KIF13B: variants seen among roughly 807,000 people sequenced by gnomAD.
KIF13B encodes kinesin family member 13B.
Under a neutral mutation model 222.0 loss-of-function variants are expected in KIF13B, and 127 were observed. The observed-to-expected ratio is 0.57, with a 90% CI of 0.50 to 0.66. The LOEUF (loss-of-function observed/expected upper bound fraction) is 0.66. Among genes scored for constraint, KIF13B ranks in the 30% least tolerant of loss-of-function variants. The probability of loss-of-function intolerance (pLI) is 0.00; values close to 1 mark genes in which losing one functional copy is unlikely to be tolerated. For synonymous variants in KIF13B, 976 were observed against 919.0 expected, an observed-to-expected ratio of 1.06 and a Z score of -1.12; for missense variants, 2,173 against 2,379.0, an observed-to-expected ratio of 0.91 and a Z score of 1.80.
At chr8:29,223,538 A>G (rs140884035) in intron 2 of KIF13B, among the ~76,000 whole-genome samples, 20 of 152,320 alleles carry the variant, frequency 1.3e-4, no homozygotes, top group East Asian at 1.2e-3. Flanking sequence ...ATAGATCAAT[A>G]TGCTATTTCT....
chr8:29,194,585 G>A (rs188723924), intron 3 of KIF13B, among the ~76,000 whole-genome samples: 87 of 152,248 alleles, frequency 5.7e-4, no homozygotes, highest in Middle Eastern at 3.4e-3. Flanking sequence ...CACAAAGTTG[G>A]GGACTAATAA....
intron 36 of KIF13B, among the ~76,000 whole-genome samples, chr8:29,097,715 A>C (rs1009988033): frequency 6.6e-6 from 1 of 152,254 alleles, no homozygotes; most frequent in African/African-American, 2.4e-5. Flanking sequence ...TGAAATGCAG[A>C]AAAATTTAAA....
chr8:29,105,650 G>GTTTTTTTTTTTTTTTTT lies in KIF13B; in HGVS notation c.4215+2472_4215+2488dup, dbSNP rs869030059. On this transcript the variant is annotated intron_variant, in intron 35 of 39. Coordinates refer to ENST00000524189, the MANE Select transcript of KIF13B (RefSeq NM_015254.4). ...AAGGAAACTGGGCAGAGTTTGTTTG[G>GTTTTTTTTTTTTTTTTT]TTTTTTTTTTTTTTTTTTTTTTTTT... is the stretch of plus-strand genomic sequence containing the variant. Among the ~76,000 whole-genome samples the GTTTTTTTTTTTTTTTTT allele has an allele frequency of 2.6e-5, 2 of 78,058 alleles. 1 individual carries two copies. 51.2% of individuals were successfully genotyped at this position (78,058 alleles called of 152,430 possible).
intron 35 of KIF13B, among the ~76,000 whole-genome samples, chr8:29,105,968 A>C (rs1809048657): frequency 6.6e-6 from 1 of 152,120 alleles, no homozygotes; most frequent in African/African-American, 2.4e-5. Flanking sequence ...CAGAAGAAAA[A>C]CAGAAGAATT....
chr8:29,175,497 A>C (rs1007124970), intron 10 of KIF13B, among the ~76,000 whole-genome samples: 2 of 152,166 alleles, frequency 1.3e-5, no homozygotes, highest in Admixed American at 6.5e-5. Flanking sequence ...CTTCTTTCTC[A>C]CTTCCATTGC....
intron 2 of KIF13B, among the ~76,000 whole-genome samples, chr8:29,236,004 A>G (rs941631783): frequency 2.0e-4 from 30 of 152,352 alleles, no homozygotes; most frequent in African/African-American, 7.2e-4. Context: ...TAATTCATCC[A>G]CAGGACAGAA....
Position 29,127,133 on chromosome 8 carries a change from CAT to C in KIF13B, c.3209_3210del (p.His1070ArgfsTer5). Reference protein sequence around the residue: ...KVRPLRAPRTHETFHEEEEDM... With the variant: ...KVRPLRAPRTXETFHEEEEDM... ...GTATAGAAACTTACATGGAAGGTCT[CAT>C]GTGTTCTGGGGGCTCTGAGCGGTCT... On this transcript the variant is annotated frameshift_variant, in exon 25 of 40. Transcript: ENST00000524189. LOFTEE classifies it high-confidence loss of function. 5 of 1,613,794 alleles carry C rather than the reference CAT, an allele frequency of 3.1e-6. No homozygotes were observed. Among genetic ancestry groups the C allele is most frequent in the Non-Finnish European group, 3.4e-6 (4 of 1,179,764 alleles).
rs547699707 is a variant in KIF13B, at chr8:29,206,414, A to T, written c.150-10215T>A. Reference sequence around the variant, plus strand: ...TAAGTCAGCCAGCAGGTTGAGAGAAACTGAAATTCACTATAATTACTCCCA... The same window carrying T: ...TAAGTCAGCCAGCAGGTTGAGAGAATCTGAAATTCACTATAATTACTCCCA... On this transcript the variant is annotated intron_variant, in intron 2 of 39. Transcript: ENST00000524189. Among the ~76,000 whole-genome samples the T allele has an allele frequency of 2.1e-3, 326 of 152,352 alleles. 1 individual carries two copies. Among genetic ancestry groups the T allele is most frequent in the Non-Finnish European group, 3.7e-3 (255 of 68,030 alleles).
chr8:29,155,668 G>A, intron 14 of KIF13B, 58 bp downstream of exon 14: 2 of 1,470,824 alleles, frequency 1.4e-6, no homozygotes, highest in Non-Finnish European at 1.9e-6. Context: ...GTTGCCACTA[G>A]AGTACTTTCT....
At chr8:29,146,908 A>C (rs1216711068) in intron 17 of KIF13B, among the ~76,000 whole-genome samples, 1 of 152,220 alleles carries the variant, frequency 6.6e-6, no homozygotes, top group Non-Finnish European at 1.5e-5. Flanking sequence ...CTGCAGACCA[A>C]ACTTTAAATA....
At chr8:29,137,458 C>T (rs1052076124) in intron 21 of KIF13B, among the ~76,000 whole-genome samples, 1 of 152,202 alleles carries the variant, frequency 6.6e-6, no homozygotes, top group Admixed American at 6.5e-5. Context: ...ACGGATGCTG[C>T]GCCCAGGTTT....
intron 37 of KIF13B, among the ~76,000 whole-genome samples, chr8:29,075,783 C>A (rs938544364): frequency 1.3e-5 from 2 of 152,130 alleles, no homozygotes; most frequent in Non-Finnish European, 2.9e-5. Context: ...GGCTGGAGCA[C>A]AAACCCAGAG....
At position 29,097,512 on chromosome 8, in the gene KIF13B, C is replaced by T. The variant is rs959528667; in HGVS notation, c.4324+1621G>A. Among the ~76,000 whole-genome samples the T allele has an allele frequency of 2.6e-4, 39 of 152,132 alleles. 1 individual carries two copies. Among genetic ancestry groups the T allele is most frequent in the Admixed American group, 2.5e-3 (38 of 15,276 alleles). On this transcript the variant is annotated intron_variant, in intron 36 of 39. Coordinates refer to ENST00000524189, the MANE Select transcript of KIF13B (RefSeq NM_015254.4). ...GTGACCTAATTAGATATACATAGAA[C>T]ATCATGTCCCCAAACACAATAGTGC...
chr8:29,237,244 G>A (rs536478662), intron 2 of KIF13B, among the ~76,000 whole-genome samples: 1 of 151,644 alleles, frequency 6.6e-6, no homozygotes, highest in South Asian at 2.1e-4. Flanking sequence ...GACAAAGAGC[G>A]CTAAAAAAGT....
At chr8:29,104,204 T>C (rs1317099278) in intron 35 of KIF13B, among the ~76,000 whole-genome samples, 1 of 151,048 alleles carries the variant, frequency 6.6e-6, no homozygotes, top group East Asian at 2.0e-4. Context: ...CCCCTCGGGC[T>C]CCCAAACCTG....
rs1812931695 is a variant in KIF13B at position 29,186,427 on chromosome 8, C to T, written c.362G>A (p.Gly121Glu). The T allele has an allele frequency of 6.2e-7, 1 of 1,613,594 alleles. No individual in the cohort carries two copies. Among genetic ancestry groups the T allele is most frequent in the Non-Finnish European group, 8.5e-7 (1 of 1,179,786 alleles). ...TCCACTGCAAAGTCTTGGGATTAAT[C>T]CAGGTTGGTCAGCTGTGCCCATCAT... is the stretch of plus-strand genomic sequence containing the variant. ...YTMMGTADQP[G>E]LIPRLCSGLF... The change falls in exon 6 of 40, where the codon GGA becomes GAA. Residue 121 changes from glycine to glutamate, a missense_variant. This residue lies in a region of KIF13B where 1,480 missense variants were observed against 1,722.8 expected (regional missense o/e 0.86). Coordinates refer to ENST00000524189, the MANE Select transcript of KIF13B (RefSeq NM_015254.4).
intron 2 of KIF13B, among the ~76,000 whole-genome samples, chr8:29,208,092 C>G (rs55682360): frequency 6.6e-6 from 1 of 152,130 alleles, no homozygotes; most frequent in African/African-American, 2.4e-5. Flanking sequence ...GAAAAGGATG[C>G]TAAGCCATGA....
chr8:29,102,986 T>G (rs1586779788), intron 35 of KIF13B, among the ~76,000 whole-genome samples: 2 of 152,172 alleles, frequency 1.3e-5, no homozygotes, highest in African/African-American at 4.8e-5. Flanking sequence ...CTCACGCCCG[T>G]AATCCCAGCA....
intron 38 of KIF13B, among the ~76,000 whole-genome samples, chr8:29,073,707 G>A (rs1807422230): frequency 6.6e-6 from 1 of 152,160 alleles, no homozygotes; most frequent in African/African-American, 2.4e-5. Flanking sequence ...GTCTCTTACA[G>A]TTACTTGGCT....
Sources: gnomAD v4.1 joint callset for allele counts (sites outside exome capture counted in the v4.1 genomes callset) on GRCh38, gnomAD v4.1.1 for gene constraint, gnomAD v4.1.1 regional missense constraint, MANE v1.5 for transcripts, NCBI Gene and HGNC (gene_info 2026-07-23, HGNC 2026-07-21) for gene names.